The following PHF20L1 variants were observed in gnomAD, a reference collection of about 807,000 sequenced individuals.
PHF20L1 encodes PHD finger protein 20-like protein 1.
A neutral mutation model predicts 125.5 loss-of-function variants in PHF20L1; 44 were observed. That is an observed-to-expected ratio of 0.35 (90% CI 0.28 to 0.45). The LOEUF is 0.45. Among genes scored for constraint, PHF20L1 ranks in the 20% least tolerant of loss-of-function variants. PHF20L1 has a pLI of 1.00. For missense variants in PHF20L1, 1,012 were observed against 1,217.2 expected (o/e 0.83, Z 2.51); for synonymous variants, 380 against 403.1 (o/e 0.94, Z 0.69).
chr8:132,806,095 C>T (rs1359219845), intron 8 of PHF20L1, among the ~76,000 whole-genome samples: 3 of 151,904 alleles, frequency 2.0e-5, no homozygotes, highest in South Asian at 2.1e-4. Context: ...TTGGAGGAGT[C>T]GAGATCAAAG....
rs745861598 is a variant in PHF20L1, at chr8:132,832,372, A to G, written c.1882A>G (p.Ile628Val). 3.1e-6 allele frequency: 5 copies of G among 1,612,122 alleles called. No individual in the cohort carries two copies. The Admixed American group carries it at 6.7e-5, about 22-fold the overall frequency. ...TACAACCTATCAGTACCCAAGGGCA[A>G]TTCTATCCGTTGATCTTAGTGGTGA... ...KTTTYQYPRA[I>V]LSVDLSGENL... Residue 628 changes from isoleucine (I) to valine (V), a missense_variant, in exon 15 of 21, where the codon ATT becomes GTT. Coordinates refer to ENST00000395386, the MANE Select transcript of PHF20L1 (RefSeq NM_016018.5).
At chr8:132,812,689 T>C (rs1266570466) in intron 9 of PHF20L1, 2 of 984,844 alleles carry the variant, frequency 2.0e-6, no homozygotes, top group Non-Finnish European at 2.4e-6. Flanking sequence ...TTATCCTATG[T>C]GTTAGCCTCG....
intron 12 of PHF20L1, among the ~76,000 whole-genome samples, chr8:132,821,224 A>C (rs563523003): frequency 6.7e-6 from 1 of 150,228 alleles, no homozygotes; most frequent in Non-Finnish European, 1.5e-5. Context: ...CTTATTACAT[A>C]GATACTTACA....
chr8:132,794,203 T>G (rs1040166238), intron 2 of PHF20L1, among the ~76,000 whole-genome samples: 1 of 152,068 alleles, frequency 6.6e-6, no homozygotes, highest in Non-Finnish European at 1.5e-5. Flanking sequence ...CTACTGGGAG[T>G]GTATCAAGGA....
chr8:132,813,261 T>G (rs1180287327), intron 9 of PHF20L1: 2 of 221,086 alleles, frequency 9.0e-6, no homozygotes, highest in African/African-American at 4.7e-5. Context: ...ATTTATGAAG[T>G]ACCTTTTCAA....
At position 132,775,465 on chromosome 8, in the gene PHF20L1, A is replaced by T; in HGVS notation, c.-218A>T. ...TGAGCGAGCTTGAGGGCTCGGACCC[A>T]GCTCCCTCCCGCGAAACCTTGGGCG... On this transcript the variant is annotated 5_prime_UTR_variant, in exon 1 of 21. Coordinates refer to ENST00000395386, the MANE Select transcript of PHF20L1 (RefSeq NM_016018.5). The T allele has an allele frequency of 2.6e-6, 1 of 381,120 alleles. No individual in the cohort carries two copies. Among genetic ancestry groups the T allele is most frequent in the Non-Finnish European group, 4.6e-6 (1 of 215,644 alleles). 23.6% of individuals were successfully genotyped at this position (381,120 alleles called of 1,614,324 possible). A position where few individuals can be genotyped will look rare whatever the true frequency, so the allele number is the denominator to read the frequency against.
At chr8:132,844,426 C>A (rs1838236503) in intron 20 of PHF20L1, 108 bp downstream of exon 20, 2 of 783,076 alleles carry the variant, frequency 2.6e-6, no homozygotes, top group African/African-American at 3.5e-5. Flanking sequence ...AGATACTCTC[C>A]ATACCGATGG....
intron 2 of PHF20L1, among the ~76,000 whole-genome samples, chr8:132,780,015 G>A (rs907706548): frequency 1.3e-5 from 2 of 152,052 alleles, no homozygotes; most frequent in Non-Finnish European, 2.9e-5. Context: ...ACTGAAACTT[G>A]TTATCAGTTT....
intron 6 of PHF20L1, 126 bp downstream of exon 6, chr8:132,799,298 CAT>C (rs1254478977): frequency 1.7e-6 from 1 of 579,850 alleles, no homozygotes; most frequent in Non-Finnish European, 3.0e-6. Context: ...TTCTACAAAT[CAT>C]AGTCATTCAT....
Position 132,817,494 on chromosome 8 carries a change from A to C in PHF20L1, c.1528A>C (p.Asn510His). ...AAAAGAGGATACACAGATGCTTCCA[A>C]ATCCTTCTTCCAAAGCAATAGCTGA... The part of the protein sequence containing the change: ...AEKEDTQMLP[N>H]PSSKAIADGR... The change falls in exon 12 of 21, where the codon AAT (asparagine) becomes CAT (histidine). Residue 510 changes from asparagine to histidine, a missense_variant. Physicochemically the swap from Asn to His is moderately conservative, Grantham distance 68 (BLOSUM62 1). Around this residue, in one of 7 missense-constraint regions of PHF20L1, gnomAD observed 320 missense variants for 293.8 expected, o/e 1.09. Coordinates refer to ENST00000395386, the MANE Select transcript of PHF20L1 (RefSeq NM_016018.5). The C allele has an allele frequency of 6.2e-7, 1 of 1,612,324 alleles. No individual in the cohort carries two copies. The highest frequency in any genetic ancestry group is 8.5e-7 in the Non-Finnish European group (1 of 1,179,072).
At chr8:132,778,098 T>A (rs1015799597) in intron 2 of PHF20L1, among the ~76,000 whole-genome samples, 187 bp downstream of exon 2, 1 of 152,220 alleles carries the variant, frequency 6.6e-6, no homozygotes, top group Admixed American at 6.5e-5. Context: ...TAAAAACTAT[T>A]TTTAGTCAAC....
At chr8:132,825,023 G>A in intron 13 of PHF20L1, 1 of 1,428,364 alleles carries the variant, frequency 7.0e-7, no homozygotes, top group Non-Finnish European at 9.4e-7. Flanking sequence ...TACTGTCTGT[G>A]TTAACTTTAA....
chr8:132,811,658 T>C (rs1027857226), intron 9 of PHF20L1: 3 of 985,058 alleles, frequency 3.0e-6, no homozygotes, highest in African/African-American at 3.5e-5. Context: ...AACCACCTAA[T>C]AGAGGAATTT....
chr8:132,797,215 A>G (rs1832498194), intron 4 of PHF20L1, among the ~76,000 whole-genome samples: 2 of 152,108 alleles, frequency 1.3e-5, no homozygotes, highest in Non-Finnish European at 2.9e-5. Context: ...AGTGGTGGAT[A>G]GGCCTGCCCG....
intron 12 of PHF20L1, among the ~76,000 whole-genome samples, chr8:132,822,860 C>T (rs1835752710): frequency 6.6e-6 from 1 of 151,558 alleles, no homozygotes; most frequent in South Asian, 2.1e-4. Flanking sequence ...TTTTTTGATA[C>T]TGTTGTAGAA....
At chr8:132,779,161 G>T (rs1485607431) in intron 2 of PHF20L1, among the ~76,000 whole-genome samples, 1 of 152,140 alleles carries the variant, frequency 6.6e-6, no homozygotes, top group Non-Finnish European at 1.5e-5. Flanking sequence ...AATTTGAGAT[G>T]GGGAGGTTAA....
At chr8:132,779,670 CTT>C (rs1830210990) in intron 2 of PHF20L1, among the ~76,000 whole-genome samples, 2 of 152,090 alleles carry the variant, frequency 1.3e-5, no homozygotes, top group African/African-American at 4.8e-5. Context: ...ATTAATATAA[CTT>C]TGATATTAGT....
In PHF20L1 at chr8:132,825,386, A is replaced by G; in HGVS notation, c.1744+15A>G. The G allele has an allele frequency of 2.7e-6, 4 of 1,471,780 alleles. No individual in the cohort carries two copies. The highest frequency in any genetic ancestry group is 3.6e-6 in the Non-Finnish European group (4 of 1,107,552). The allele number at this position is 1,471,780 out of a possible 1,614,324, so 91.2% of individuals were successfully genotyped here. On this transcript the variant is annotated intron_variant, in intron 14 of 20. Transcript: ENST00000395386. Reference sequence around the variant, plus strand: ...TAAGCAACATGGTAAGTACACTGAGATGATTATTCCCTCTTTTTTTAAAAT... The same window carrying G: ...TAAGCAACATGGTAAGTACACTGAGGTGATTATTCCCTCTTTTTTTAAAAT...
rs1184816049 is a variant in PHF20L1, at chr8:132,803,969, A to G, written c.658A>G (p.Thr220Ala). 2.5e-6 allele frequency: 4 copies of G among 1,612,414 alleles called. No homozygotes were observed. The highest frequency in any genetic ancestry group is 1.3e-5 in the African/African-American group (1 of 74,836). The change falls in exon 7 of 21, where the codon ACT becomes GCT. Residue 220 changes from threonine to alanine, a missense_variant. By Grantham distance (58) the Thr-to-Ala change is moderately conservative (BLOSUM62 0). Transcript: ENST00000395386. ...KVPSKKEETS[T>A]CIATPDVEKK... ...ACCTTCAAAGAAGGAGGAAACTTCA[A>G]CTTGTATAGCCACACCAGACGTAGA...
Sources: allele counts gnomAD v4.1 joint callset (sites outside exome capture counted in the v4.1 genomes callset), GRCh38; gene constraint gnomAD v4.1.1; regional missense constraint gnomAD v4.1.1; transcripts MANE v1.5; gene names NCBI Gene and HGNC (gene_info 2026-07-23, HGNC 2026-07-21).